Variants in NTRK2 observed in about 807,000 individuals in gnomAD.
NTRK2 encodes BDNF/NT-3 growth factors receptor.
A neutral mutation model predicts 94.5 loss-of-function variants in NTRK2; 13 were observed. That is an observed-to-expected ratio of 0.14 (90% CI 0.09 to 0.22). The LOEUF is 0.22. Ranked by LOEUF, NTRK2 falls within the 10% of genes least tolerant of loss-of-function variation. The pLI is 1.00. For missense variants in NTRK2, 639 were observed against 1,071.2 expected (o/e 0.60, Z 5.63); for synonymous variants, 372 against 407.4 (o/e 0.91, Z 1.05).
At chr9:84,867,571 C>T (rs1335392640) in intron 14 of NTRK2, 140 bp downstream of exon 14, 1 of 786,854 alleles carries the variant, frequency 1.3e-6, no homozygotes, top group Non-Finnish European at 2.2e-6. Flanking sequence ...AGCTTTTGGC[C>T]CAGGAATAGA....
At chr9:84,843,969 C>G (rs1318114536) in intron 12 of NTRK2, among the ~76,000 whole-genome samples, 4 of 152,098 alleles carry the variant, frequency 2.6e-5, no homozygotes, top group African/African-American at 9.7e-5. Flanking sequence ...GACATAGAGG[C>G]AAGACACAGC....
rs1832958260 is a variant in NTRK2 at position 85,024,893 on chromosome 9, G to A, written c.*3456G>A. 4.3e-6 allele frequency: 1 copy of A among 232,866 alleles called. No homozygotes were observed. The allele number at this position is 232,866 out of a possible 1,614,324, so 14.4% of individuals were successfully genotyped here. A position where few individuals can be genotyped will look rare whatever the true frequency, so the allele number is the denominator to read the frequency against. ...TGTTCACATCAGCGCTACCTGTGAT[G>A]TTTTCATGTATTTATGTATGTGTTA... On this transcript the variant is annotated 3_prime_UTR_variant, in exon 19 of 19. Coordinates refer to ENST00000277120, the MANE Select transcript of NTRK2 (RefSeq NM_006180.6).
chr9:84,941,317 T>C (rs1237891683), intron 15 of NTRK2, among the ~76,000 whole-genome samples: 1 of 152,228 alleles, frequency 6.6e-6, no homozygotes, highest in African/African-American at 2.4e-5. Context: ...AATTATTAAG[T>C]TCCTATATCA....
intron 6 of NTRK2, among the ~76,000 whole-genome samples, chr9:84,711,768 C>A (rs565765198): frequency 6.6e-6 from 1 of 152,126 alleles, no homozygotes; most frequent in South Asian, 2.1e-4. Context: ...TGTAGGAATG[C>A]GATAAAAATA....
chr9:84,867,192 C>T, intron 13 of NTRK2, 51 bp from the exon 14 acceptor site: 2 of 1,561,984 alleles, frequency 1.3e-6, no homozygotes, highest in East Asian at 2.2e-5. Flanking sequence ...TGAATTACAG[C>T]TCAATAAAGC....
chr9:84,818,064 G>T (rs2072538198), intron 12 of NTRK2, among the ~76,000 whole-genome samples: 1 of 152,152 alleles, frequency 6.6e-6, no homozygotes, highest in Non-Finnish European at 1.5e-5. Context: ...ATAGGTAACA[G>T]GTATTGACTT....
At chr9:84,784,451 C>G (rs2067925437) in intron 12 of NTRK2, among the ~76,000 whole-genome samples, 2 of 152,130 alleles carry the variant, frequency 1.3e-5, no homozygotes, top group African/African-American at 4.8e-5. Context: ...GAATGGTACT[C>G]TTTCTTCATG....
intron 11 of NTRK2, among the ~76,000 whole-genome samples, chr9:84,749,300 C>T (rs2064374148): frequency 6.6e-6 from 1 of 152,010 alleles, no homozygotes; most frequent in African/African-American, 2.4e-5. Context: ...GTTAAAGTAC[C>T]AGAGAAGAGA....
chr9:84,993,378 C>G lies in NTRK2; in HGVS notation c.2173-26828C>G, dbSNP rs1164865296. On this transcript the variant is annotated intron_variant, in intron 17 of 18. Transcript: ENST00000277120. ...TCCCAATAGCCTCTTTCCTAGCTCC[C>G]ATCACCAGCATGCCCTAGCCTACTC... Among the ~76,000 whole-genome samples, 5 of 152,184 alleles carry G rather than the reference C, an allele frequency of 3.3e-5. No individual in the cohort carries two copies. The East Asian group carries it at 9.6e-4, about 29-fold the overall frequency.
At position 84,924,229 on chromosome 9, in the gene NTRK2, T is replaced by TAGAAAGAAA. The variant is rs1554769295; in HGVS notation, c.1634-9932_1634-9924dup. 2.6e-3 allele frequency among the ~76,000 whole-genome samples: 297 copies of TAGAAAGAAA among 115,684 alleles called. 5 individuals carry two copies. Among genetic ancestry groups the TAGAAAGAAA allele is most frequent in the Admixed American group, 0.019 (211 of 10,896 alleles). The allele number at this position is 115,684 out of a possible 152,430, so 75.9% of individuals were successfully genotyped here. A position where few individuals can be genotyped will look rare whatever the true frequency, so the allele number is the denominator to read the frequency against. ...GAGACCCTGTCTCAAAGAAAGAAAG[T>TAGAAAGAAA]AGAAAGAAAGAAAGAAAGAAAGAAA... is the stretch of plus-strand genomic sequence containing the variant. On this transcript the variant is annotated intron_variant, in intron 14 of 18. Transcript: ENST00000277120.
chr9:84,741,288 T>C (rs892029547), intron 9 of NTRK2, among the ~76,000 whole-genome samples: 1 of 152,258 alleles, frequency 6.6e-6, no homozygotes, highest in African/African-American at 2.4e-5. Context: ...AATAACTTCT[T>C]ACACATCAAT....
intron 2 of NTRK2, among the ~76,000 whole-genome samples, chr9:84,693,573 G>A (rs1286496094): frequency 6.6e-6 from 1 of 152,056 alleles, no homozygotes; most frequent in African/African-American, 2.4e-5. Context: ...CTAGAGGCTG[G>A]GTGACATTAA....
At chr9:84,772,819 G>T (rs1006391866) in intron 12 of NTRK2, among the ~76,000 whole-genome samples, 1 of 152,162 alleles carries the variant, frequency 6.6e-6, no homozygotes, top group Admixed American at 6.5e-5. Flanking sequence ...ATGAAGGCTC[G>T]TGTTGGGGTG....
intron 14 of NTRK2, among the ~76,000 whole-genome samples, chr9:84,889,980 G>T (rs745960023): frequency 1.3e-5 from 2 of 152,214 alleles, no homozygotes; most frequent in Admixed American, 6.5e-5. Flanking sequence ...GCATTATAAA[G>T]ATATAAATGT....
rs567966806 is a variant in NTRK2 at position 84,733,317 on chromosome 9, A to G, written c.1159+5358A>G. 1.6e-3 allele frequency among the ~76,000 whole-genome samples: 240 copies of G among 152,362 alleles called. 1 individual carries two copies. Among genetic ancestry groups the G allele is most frequent in the Non-Finnish European group, 2.9e-3 (194 of 68,030 alleles). On this transcript the variant is annotated intron_variant, in intron 9 of 18. Coordinates refer to ENST00000277120, the MANE Select transcript of NTRK2 (RefSeq NM_006180.6). ...AAGGACATAGGTCCAGTTCTCAGCC[A>G]GTTCCTTTGTGATTTCTGCCTCTGA... is the stretch of plus-strand genomic sequence containing the variant.
At chr9:84,935,691 C>T (rs2078190827) in intron 15 of NTRK2, among the ~76,000 whole-genome samples, 1 of 152,082 alleles carries the variant, frequency 6.6e-6, no homozygotes, top group African/African-American at 2.4e-5. Context: ...TAGAAGGTGG[C>T]AAAGTGAGAA....
chr9:84,894,354 A>G (rs1208235319), intron 14 of NTRK2, among the ~76,000 whole-genome samples: 1 of 152,154 alleles, frequency 6.6e-6, no homozygotes, highest in African/African-American at 2.4e-5. Context: ...GGATTATTTT[A>G]TTTAGCTTTG....
chr9:85,005,811 C>A (rs1288405224), intron 17 of NTRK2, among the ~76,000 whole-genome samples: 1 of 152,220 alleles, frequency 6.6e-6, no homozygotes, highest in Non-Finnish European at 1.5e-5. Context: ...CTCAGAAAAG[C>A]CTTGACTGAC....
chr9:84,867,289 C>G lies in NTRK2; in HGVS notation c.1491C>G (p.Leu497=). The G allele has an allele frequency of 6.2e-7, 1 of 1,614,088 alleles. No homozygotes were observed. The highest frequency in any genetic ancestry group is 8.5e-7 in the Non-Finnish European group (1 of 1,179,960). Residue 497 remains leucine, a synonymous_variant, in exon 14 of 19, where the codon CTC becomes CTG. Coordinates refer to ENST00000277120, the MANE Select transcript of NTRK2 (RefSeq NM_006180.6). ...ISNDDDSASP[L]HHISNGSNTP... The stretch of plus-strand genomic sequence containing the variant: ...ATGATGATGACTCTGCCAGCCCACT[C>G]CATCACATCTCCAATGGGAGTAACA...
Sources: allele counts gnomAD v4.1 joint callset (sites outside exome capture counted in the v4.1 genomes callset), GRCh38; gene constraint gnomAD v4.1.1; transcripts MANE v1.5; gene names NCBI Gene and HGNC (gene_info 2026-07-23, HGNC 2026-07-21).